DCDC2: variants seen among roughly 807,000 people sequenced by gnomAD.
DCDC2 encodes the protein doublecortin domain containing 2, also known as doublecortin domain-containing protein 2.
Under a neutral mutation model 50.2 loss-of-function variants are expected in DCDC2, and 40 were observed. The observed-to-expected ratio is 0.80, with a 90% confidence interval of 0.62 to 1.04. The LOEUF (loss-of-function observed/expected upper bound fraction) is 1.04. Ranked by LOEUF, DCDC2 falls within the 50% of genes least tolerant of loss-of-function variation. DCDC2 has a pLI of 0.00. For missense variants in DCDC2, 570 were observed against 581.9 expected, an observed-to-expected ratio of 0.98 and a Z score of 0.21; for synonymous variants, 234 against 210.6, an observed-to-expected ratio of 1.11 and a Z score of -0.96.
intron 7 of DCDC2, among the ~76,000 whole-genome samples, chr6:24,248,141 A>G (rs1762723852): frequency 6.6e-6 from 1 of 152,250 alleles, no homozygotes; most frequent in South Asian, 2.1e-4. Flanking sequence ...TCTTCAGCTC[A>G]GTTTCTGCAT....
chr6:24,287,288 T>TTCCTCCCC (rs1446316202), intron 6 of DCDC2, among the ~76,000 whole-genome samples: 2 of 152,182 alleles, frequency 1.3e-5, no homozygotes, highest in Non-Finnish European at 2.9e-5. Context: ...GTGGATGCAA[T>TTCCTCCCC]TCCTCCCCTC....
chr6:24,172,150 T>C lies in DCDC2; in HGVS notation c.*2580A>G, dbSNP rs542333299. On this transcript the variant is annotated 3_prime_UTR_variant, in exon 10 of 10. Transcript: ENST00000378454. ...GAGGTGAATGAACTTTCAGCATTTA[T>C]GTTAAAGTCATCTCTGAAGTGACAT... The C allele has an allele frequency of 1.3e-5, 2 of 152,342 alleles. No individual in the cohort carries two copies. Among genetic ancestry groups the C allele is most frequent in the African/African-American group, 4.8e-5 (2 of 41,582 alleles). The allele number at this position is 152,342 out of a possible 1,614,324, so 9.4% of individuals were successfully genotyped here. A position where few individuals can be genotyped will look rare whatever the true frequency, so the allele number is the denominator to read the frequency against.
intron 7 of DCDC2, among the ~76,000 whole-genome samples, chr6:24,264,602 C>A (rs1197190285): frequency 6.6e-6 from 1 of 150,990 alleles, no homozygotes; most frequent in Non-Finnish European, 1.5e-5. Context: ...CTCATGGTAA[C>A]CTCAAGTCAA....
At chr6:24,190,009 T>C (rs1761281694) in intron 8 of DCDC2, among the ~76,000 whole-genome samples, 1 of 152,004 alleles carries the variant, frequency 6.6e-6, no homozygotes, top group Non-Finnish European at 1.5e-5. Flanking sequence ...AATAATCAGT[T>C]TCAATTTTTT....
intron 2 of DCDC2, among the ~76,000 whole-genome samples, chr6:24,305,063 T>C (rs1759446955): frequency 6.6e-6 from 1 of 152,246 alleles, no homozygotes; most frequent in South Asian, 2.1e-4. Flanking sequence ...TAATATGTTA[T>C]ATCAATAAGT....
intron 2 of DCDC2, among the ~76,000 whole-genome samples, chr6:24,327,886 C>A (rs533749950): frequency 6.6e-6 from 1 of 152,178 alleles, no homozygotes; most frequent in African/African-American, 2.4e-5. Context: ...TTTCTCCTTG[C>A]ATTTGCTAGT....
chr6:24,252,750 ATTC>A (rs757611211), intron 7 of DCDC2, among the ~76,000 whole-genome samples: 1 of 152,162 alleles, frequency 6.6e-6, no homozygotes, highest in Non-Finnish European at 1.5e-5. Context: ...ACACAAAAAC[ATTC>A]TTCAAGTACC....
At chr6:24,251,082 C>T (rs971391468) in intron 7 of DCDC2, among the ~76,000 whole-genome samples, 4 of 152,164 alleles carry the variant, frequency 2.6e-5, no homozygotes, top group African/African-American at 7.2e-5. Flanking sequence ...TAAATTGTTG[C>T]TATGACACAG....
rs1760794442 is a variant in DCDC2, at chr6:24,172,261, T to C, written c.*2469A>G. The C allele has an allele frequency of 6.6e-6, 1 of 152,250 alleles. No individual in the cohort carries two copies. Among genetic ancestry groups the C allele is most frequent in the African/African-American group, 2.4e-5 (1 of 41,472 alleles). 9.4% of individuals were successfully genotyped at this position (152,250 alleles called of 1,614,324 possible). On this transcript the variant is annotated 3_prime_UTR_variant, in exon 10 of 10. Coordinates refer to ENST00000378454, the MANE Select transcript of DCDC2 (RefSeq NM_016356.5). Reference sequence around the variant, plus strand: ...ATGTTTGCAAAGTGTCTTAAAGTGATAAGTCGTTATTCATCCCCTCAAAGT... The same window carrying C: ...ATGTTTGCAAAGTGTCTTAAAGTGACAAGTCGTTATTCATCCCCTCAAAGT...
intron 1 of DCDC2, among the ~76,000 whole-genome samples, chr6:24,356,603 A>T (rs1018197000): frequency 1.3e-4 from 20 of 151,448 alleles, no homozygotes; most frequent in African/African-American, 4.4e-4. Flanking sequence ...TATAATGACC[A>T]CCCCAACCAA....
At chr6:24,233,238 A>G (rs1762374988) in intron 7 of DCDC2, among the ~76,000 whole-genome samples, 2 of 152,226 alleles carry the variant, frequency 1.3e-5, no homozygotes, top group South Asian at 4.1e-4. Flanking sequence ...ACACAAAATC[A>G]AAGGAGGCTC....
chr6:24,368,090 C>T, the DCDC2 span, among the ~76,000 whole-genome samples: 1 of 151,340 alleles, frequency 6.6e-6, no homozygotes, highest in Non-Finnish European at 1.5e-5. Context: ...ACAGTATATT[C>T]AGATAAGTTA....
chr6:24,231,053 C>T (rs1158627792), intron 7 of DCDC2, among the ~76,000 whole-genome samples: 1 of 152,140 alleles, frequency 6.6e-6, no homozygotes, highest in African/African-American at 2.4e-5. Context: ...TATGGAAGGC[C>T]CACGTTGTCT....
intron 2 of DCDC2, among the ~76,000 whole-genome samples, chr6:24,341,868 T>C (rs1760160473): frequency 6.6e-6 from 1 of 152,150 alleles, no homozygotes; most frequent in Admixed American, 6.5e-5. Flanking sequence ...TCTAGATCTT[T>C]GAAACAAAGT....
intron 7 of DCDC2, among the ~76,000 whole-genome samples, chr6:24,255,874 T>C (rs1338879590): frequency 1.3e-5 from 2 of 152,022 alleles, no homozygotes; most frequent in Non-Finnish European, 2.9e-5. Context: ...GAAGATGAAA[T>C]ATGCAAATCA....
intron 7 of DCDC2, among the ~76,000 whole-genome samples, chr6:24,250,126 TTC>T (rs1464346671): frequency 6.6e-6 from 1 of 152,196 alleles, no homozygotes; most frequent in African/African-American, 2.4e-5. Context: ...CCTCTGATCC[TTC>T]TCATCATCTC....
chr6:24,193,295 G>T (rs1483119273), intron 8 of DCDC2, among the ~76,000 whole-genome samples: 1 of 151,998 alleles, frequency 6.6e-6, no homozygotes, highest in Non-Finnish European at 1.5e-5. Context: ...GGAAGACATA[G>T]AATCCAAAAA....
chr6:24,334,232 A>G (rs1760016984), intron 2 of DCDC2, among the ~76,000 whole-genome samples: 1 of 152,232 alleles, frequency 6.6e-6, no homozygotes, highest in African/African-American at 2.4e-5. Context: ...TGAAAAAAAC[A>G]AAGGTATTGT....
intron 7 of DCDC2, among the ~76,000 whole-genome samples, chr6:24,216,031 T>G (rs1761968356): frequency 6.6e-6 from 1 of 151,492 alleles, no homozygotes; most frequent in South Asian, 2.1e-4. Context: ...GGGATGGGGG[T>G]GGTTAGAAAG....
Sources: gnomAD v4.1 joint callset for allele counts (sites outside exome capture counted in the v4.1 genomes callset) on GRCh38, gnomAD v4.1.1 for gene constraint, MANE v1.5 for transcripts, NCBI Gene and HGNC (gene_info 2026-07-23, HGNC 2026-07-21) for gene names.